KHDRBS2: variants seen among roughly 807,000 people sequenced by gnomAD.
KHDRBS2 encodes the protein KH RNA binding domain containing, signal transduction associated 2.
KHDRBS2 carries 26 observed loss-of-function variants against 44.3 expected under a neutral mutation model. The ratio of observed to expected loss-of-function variants is 0.59; its 90% confidence interval spans 0.43 to 0.81. The LOEUF is 0.81. Ranked by LOEUF, KHDRBS2 falls within the 40% of genes least tolerant of loss-of-function variation. The pLI, the probability that KHDRBS2 is intolerant of heterozygous loss-of-function variation, is 0.00. For missense variants in KHDRBS2, 476 were observed against 433.1 expected, an observed-to-expected ratio of 1.10 and a Z score of -0.88; for synonymous variants, 194 against 151.1, an observed-to-expected ratio of 1.28 and a Z score of -2.08.
chr6:61,966,880 G>A (rs1770074646), intron 4 of KHDRBS2, among the ~76,000 whole-genome samples: 1 of 151,590 alleles, frequency 6.6e-6, no homozygotes, highest in African/African-American at 2.4e-5. Flanking sequence ...CAGTACAATA[G>A]TCAGAAATGC....
chr6:62,029,024 C>T (rs1243216880), intron 3 of KHDRBS2, among the ~76,000 whole-genome samples: 1 of 151,866 alleles, frequency 6.6e-6, no homozygotes, highest in Non-Finnish European at 1.5e-5. Flanking sequence ...TTTATGAGCA[C>T]ATGTATCTGG....
chr6:62,040,332 G>T (rs190514383), intron 3 of KHDRBS2, among the ~76,000 whole-genome samples: 43 of 152,050 alleles, frequency 2.8e-4, no homozygotes, highest in African/African-American at 8.9e-4. Flanking sequence ...TGCAAAAAGA[G>T]AATTTTACAT....
intron 7 of KHDRBS2, among the ~76,000 whole-genome samples, chr6:61,715,135 G>A (rs1771172399): frequency 3.3e-5 from 5 of 151,822 alleles, no homozygotes; most frequent in African/African-American, 1.2e-4. Context: ...AAAATAACAA[G>A]ACCTGGAGGC....
chr6:61,926,145 GA>G (rs1308885099), intron 4 of KHDRBS2, among the ~76,000 whole-genome samples: 2 of 152,166 alleles, frequency 1.3e-5, no homozygotes, highest in East Asian at 3.8e-4. Flanking sequence ...AGCCATAGTA[GA>G]GAAAACGTAG....
the KHDRBS2 span, among the ~76,000 whole-genome samples, chr6:61,594,210 A>G: frequency 3.0e-4 from 46 of 151,036 alleles, no homozygotes; most frequent in African/African-American, 8.7e-4. Context: ...TCTTAACTCT[A>G]GAAAAGAAAA....
intron 7 of KHDRBS2, among the ~76,000 whole-genome samples, chr6:61,723,847 T>C (rs1476937498): frequency 1.3e-5 from 2 of 152,140 alleles, no homozygotes; most frequent in Non-Finnish European, 2.9e-5. Context: ...CTATGACTGA[T>C]TGGGGTACCT....
intron 2 of KHDRBS2, among the ~76,000 whole-genome samples, chr6:62,111,222 G>T (rs1466553134): frequency 6.6e-6 from 1 of 152,042 alleles, no homozygotes; most frequent in Non-Finnish European, 1.5e-5. Flanking sequence ...CATTTTAAAA[G>T]AAATTTGCAA....
intron 4 of KHDRBS2, among the ~76,000 whole-genome samples, chr6:61,932,601 C>T (rs1810272026): frequency 6.6e-6 from 1 of 152,068 alleles, no homozygotes; most frequent in South Asian, 2.1e-4. Context: ...GAGATCCAGA[C>T]CATCCTGGCT....
intron 3 of KHDRBS2, among the ~76,000 whole-genome samples, chr6:62,021,590 C>G (rs1263611433): frequency 6.6e-6 from 1 of 151,636 alleles, no homozygotes; most frequent in Non-Finnish European, 1.5e-5. Flanking sequence ...ATAGTAGAAT[C>G]TCATTTCTGG....
At chr6:61,834,300 T>C (rs1792304519) in intron 6 of KHDRBS2, among the ~76,000 whole-genome samples, 1 of 152,022 alleles carries the variant, frequency 6.6e-6, no homozygotes, top group Admixed American at 6.6e-5. Context: ...GCATTTTCCT[T>C]ACTTTCTTCA....
intron 7 of KHDRBS2, among the ~76,000 whole-genome samples, chr6:61,717,213 A>G (rs1458906098): frequency 6.6e-6 from 1 of 152,084 alleles, no homozygotes; most frequent in African/African-American, 2.4e-5. Flanking sequence ...ATCAAAATTA[A>G]CCTTAAATTA....
chr6:61,847,054 TATTTA>T (rs1250903321), intron 6 of KHDRBS2, among the ~76,000 whole-genome samples: 1 of 152,124 alleles, frequency 6.6e-6, no homozygotes, highest in Non-Finnish European at 1.5e-5. Context: ...AATTTTATTT[TATTTA>T]AAGTATATTT....
chr6:61,941,277 A>G (rs939200380), intron 4 of KHDRBS2, among the ~76,000 whole-genome samples: 6 of 152,158 alleles, frequency 3.9e-5, no homozygotes, highest in Non-Finnish European at 8.8e-5. Flanking sequence ...CCTGCACATT[A>G]CATTACAGTC....
intron 6 of KHDRBS2, among the ~76,000 whole-genome samples, chr6:61,884,855 T>C (rs962612770): frequency 3.3e-5 from 5 of 152,068 alleles, no homozygotes; most frequent in South Asian, 2.1e-4. Flanking sequence ...TGTCCCCCCA[T>C]AGAGATGTGT....
At chr6:62,029,343 G>A (rs1783932525) in intron 3 of KHDRBS2, among the ~76,000 whole-genome samples, 1 of 151,662 alleles carries the variant, frequency 6.6e-6, no homozygotes, top group African/African-American at 2.4e-5. Context: ...CATGAATTAT[G>A]TATAGTTGAA....
chr6:61,712,364 A>G (rs1770649366), intron 7 of KHDRBS2, among the ~76,000 whole-genome samples: 1 of 151,830 alleles, frequency 6.6e-6, no homozygotes, highest in Non-Finnish European at 1.5e-5. Flanking sequence ...TCTTTAAGCA[A>G]GGCTGACATG....
At chr6:61,996,784 TC>T (rs529118763) in intron 3 of KHDRBS2, among the ~76,000 whole-genome samples, 1,757 of 143,478 alleles carry the variant, frequency 0.012, 22 homozygotes, top group Middle Eastern at 0.018. Context: ...TTACCCCTCC[TC>T]CCCCCCTCAC....
intron 5 of KHDRBS2, among the ~76,000 whole-genome samples, chr6:61,899,733 GCC>G (rs34822365): frequency 8.1e-6 from 1 of 123,226 alleles, no homozygotes; most frequent in East Asian, 2.5e-4. Flanking sequence ...TTGTTTTAAT[GCC>G]CCCCCCCCGC....
intron 6 of KHDRBS2, among the ~76,000 whole-genome samples, chr6:61,892,222 C>G (rs1039821295): frequency 6.6e-6 from 1 of 152,022 alleles, no homozygotes; most frequent in African/African-American, 2.4e-5. Flanking sequence ...TCAAGGAGAA[C>G]TACAAACCAC....
Sources: gnomAD v4.1 joint callset for allele counts (sites outside exome capture counted in the v4.1 genomes callset) on GRCh38, gnomAD v4.1.1 for gene constraint, MANE v1.5 for transcripts, NCBI Gene and HGNC (gene_info 2026-07-23, HGNC 2026-07-21) for gene names.